Variants in SPHKAP observed in about 807,000 individuals in gnomAD.
The protein encoded by SPHKAP is SPHK1 interactor, AKAP domain containing, also known as A-kinase anchor protein SPHKAP.
Under a neutral mutation model 137.5 loss-of-function variants are expected in SPHKAP, and 67 were observed. That is an observed-to-expected ratio of 0.49 (90% CI 0.40 to 0.60). The LOEUF is 0.60. Among genes scored for constraint, SPHKAP ranks in the 20% least tolerant of loss-of-function variants. The probability of loss-of-function intolerance (pLI) is 0.00; values close to 1 mark genes in which losing one functional copy is unlikely to be tolerated. For missense variants in SPHKAP, 2,097 were observed against 2,069.3 expected (o/e 1.01, Z -0.26); for synonymous variants, 813 against 785.3 (o/e 1.04, Z -0.59).
At chr2:228,144,440 T>C (rs1699710158) in intron 1 of SPHKAP, among the ~76,000 whole-genome samples, 1 of 150,046 alleles carries the variant, frequency 6.7e-6, no homozygotes, top group Non-Finnish European at 1.5e-5. Flanking sequence ...AATCAATGAG[T>C]TCATTAAAAC....
intron 3 of SPHKAP, among the ~76,000 whole-genome samples, chr2:228,092,292 C>T (rs62643416): frequency 0.24 from 28,353 of 116,734 alleles, 3,430 homozygotes; most frequent in East Asian, 0.36. Flanking sequence ...TGCGTGTATA[C>T]GTGCACACAC....
At chr2:228,173,667 G>T (rs897839938) in intron 1 of SPHKAP, among the ~76,000 whole-genome samples, 10 of 152,134 alleles carry the variant, frequency 6.6e-5, no homozygotes, top group Admixed American at 1.3e-4. Context: ...CCTCCAGAAA[G>T]GAATGCAGCC....
intron 11 of SPHKAP, among the ~76,000 whole-genome samples, chr2:227,985,100 T>C (rs1693166538): frequency 6.6e-6 from 1 of 152,164 alleles, no homozygotes; most frequent in Non-Finnish European, 1.5e-5. Flanking sequence ...ATTTGGGGCC[T>C]GTGAAGGAGA....
At chr2:228,142,110 T>C (rs972743330) in intron 1 of SPHKAP, among the ~76,000 whole-genome samples, 1 of 152,160 alleles carries the variant, frequency 6.6e-6, no homozygotes, top group African/African-American at 2.4e-5. Flanking sequence ...ACGCTCATGT[T>C]GATCGTTTAC....
intron 3 of SPHKAP, among the ~76,000 whole-genome samples, chr2:228,037,448 C>G (rs1039831625): frequency 6.6e-6 from 1 of 152,212 alleles, no homozygotes; most frequent in Non-Finnish European, 1.5e-5. Context: ...CACACCATCC[C>G]TGACCTGGCA....
At chr2:228,094,140 A>G (rs971513999) in intron 3 of SPHKAP, among the ~76,000 whole-genome samples, 1 of 152,236 alleles carries the variant, frequency 6.6e-6, no homozygotes, top group Non-Finnish European at 1.5e-5. Context: ...TCAAATAAAC[A>G]TGATAATCTT....
chr2:228,127,065 G>A (rs1699098665), intron 2 of SPHKAP, among the ~76,000 whole-genome samples: 1 of 152,192 alleles, frequency 6.6e-6, no homozygotes, highest in Non-Finnish European at 1.5e-5. Context: ...TACATGAAAT[G>A]AGTTTGGGGA....
At chr2:228,093,631 G>T (rs888874667) in intron 3 of SPHKAP, among the ~76,000 whole-genome samples, 5 of 151,946 alleles carry the variant, frequency 3.3e-5, no homozygotes, top group East Asian at 3.9e-4. Flanking sequence ...AGGCTGAGGT[G>T]GGGGGACCAC....
intron 2 of SPHKAP, among the ~76,000 whole-genome samples, chr2:228,130,944 A>G (rs1441395481): frequency 1.3e-5 from 2 of 152,144 alleles, no homozygotes; most frequent in African/African-American, 2.4e-5. Context: ...GAATGAATGG[A>G]TGGAAATACT....
intron 1 of SPHKAP, among the ~76,000 whole-genome samples, chr2:228,180,409 C>T (rs1000900039): frequency 2.0e-5 from 3 of 152,104 alleles, no homozygotes; most frequent in Non-Finnish European, 2.9e-5. Flanking sequence ...CGCATCTCGG[C>T]TCCTTGGCAA....
At chr2:228,178,199 A>G (rs967500708) in intron 1 of SPHKAP, among the ~76,000 whole-genome samples, 2 of 152,236 alleles carry the variant, frequency 1.3e-5, no homozygotes, top group Admixed American at 6.5e-5. Context: ...CAATCAGTAC[A>G]CAAGAGAAAA....
chr2:228,039,220 ACTT>A (rs1371895766), intron 3 of SPHKAP, among the ~76,000 whole-genome samples: 2 of 152,192 alleles, frequency 1.3e-5, no homozygotes, highest in African/African-American at 2.4e-5. Flanking sequence ...GAACACGAGC[ACTT>A]CTTCTCTTGC....
chr2:228,028,846 C>A (rs1695167733), intron 3 of SPHKAP, among the ~76,000 whole-genome samples: 1 of 152,134 alleles, frequency 6.6e-6, no homozygotes, highest in Non-Finnish European at 1.5e-5. Context: ...TAATTTAAAT[C>A]CCAAATATAC....
At chr2:228,121,149 A>C (rs1339908823) in intron 2 of SPHKAP, among the ~76,000 whole-genome samples, 1 of 152,178 alleles carries the variant, frequency 6.6e-6, no homozygotes, top group East Asian at 1.9e-4. Flanking sequence ...AGACAAAGGG[A>C]CAATGAATTT....
At chr2:228,073,848 A>G (rs921393155) in intron 3 of SPHKAP, among the ~76,000 whole-genome samples, 1 of 149,406 alleles carries the variant, frequency 6.7e-6, no homozygotes, top group Admixed American at 6.7e-5. Flanking sequence ...ATTTACTTCT[A>G]TCATCATTTA....
At chr2:227,993,668 C>T (rs13004076) in intron 8 of SPHKAP, 48 bp from the exon 9 acceptor site, 30,451 of 1,477,758 alleles carry the variant, frequency 0.021, 394 homozygotes, top group Non-Finnish European at 0.025. Flanking sequence ...CACCCTCTAA[C>T]ATGCTGCTGA....
At chr2:228,119,726 G>C (rs574524868) in intron 2 of SPHKAP, among the ~76,000 whole-genome samples, 1 of 152,108 alleles carries the variant, frequency 6.6e-6, no homozygotes, top group South Asian at 2.1e-4. Context: ...ATTATTGTGT[G>C]AAAGAAAAAA....
intron 11 of SPHKAP, 40 bp downstream of exon 11, chr2:227,990,960 A>G: frequency 6.2e-7 from 1 of 1,601,394 alleles, no homozygotes. Flanking sequence ...GGTGATGAAA[A>G]CACAAAGCTT....
In SPHKAP at chr2:228,025,542, A is replaced by ATCTT. The variant is rs1559354579; in HGVS notation, c.307-18_307-15dup. On this transcript the variant is annotated splice_polypyrimidine_tract_variant and intron_variant, in intron 4 of 11. Transcript: ENST00000392056. Reference sequence around the variant, plus strand: ...GTTGACCAGTTTCTGTAAAGCAAGAATCTTTATTAGTTTAGCTGATTTCTT... The same window carrying ATCTT: ...GTTGACCAGTTTCTGTAAAGCAAGAATCTTTCTTTATTAGTTTAGCTGATTTCTT... 6.2e-7 allele frequency: 1 copy of ATCTT among 1,612,768 alleles called. No homozygotes were observed.
Sources: gnomAD v4.1 joint callset for allele counts (sites outside exome capture counted in the v4.1 genomes callset) on GRCh38, gnomAD v4.1.1 for gene constraint, MANE v1.5 for transcripts, NCBI Gene and HGNC (gene_info 2026-07-23, HGNC 2026-07-21) for gene names.